CSMD1: variants seen among roughly 807,000 people sequenced by gnomAD.
CSMD1 encodes the protein CUB and sushi domain-containing protein 1.
A neutral mutation model predicts 417.5 loss-of-function variants in CSMD1; 213 were observed. The observed-to-expected ratio is 0.51, with a 90% CI of 0.46 to 0.57. The LOEUF is 0.57. CSMD1 is among the 20% of genes least tolerant of loss of function. CSMD1 has a pLI of 0.00. For missense variants in CSMD1, 6,923 were observed against 4,529.7 expected (o/e 1.53, Z -15.17); for synonymous variants, 2,862 against 1,736.8 (o/e 1.65, Z -16.11).
chr8:4,580,901 G>C (rs948808575), intron 2 of CSMD1, among the ~76,000 whole-genome samples: 16 of 152,222 alleles, frequency 1.1e-4, no homozygotes, highest in African/African-American at 3.9e-4. Context: ...CTGCTATTGT[G>C]TTTGACATCA....
intron 3 of CSMD1, among the ~76,000 whole-genome samples, chr8:4,306,680 C>G (rs946541006): frequency 1.3e-5 from 2 of 152,104 alleles, no homozygotes; most frequent in Non-Finnish European, 2.9e-5. Flanking sequence ...GTACAATTCA[C>G]ATGCTCTCCT....
chr8:3,053,980 C>T (rs1585236816), intron 49 of CSMD1, among the ~76,000 whole-genome samples: 1 of 152,242 alleles, frequency 6.6e-6, no homozygotes, highest in African/African-American at 2.4e-5. Context: ...GCGGGAAGGG[C>T]TGGATGAAGA....
chr8:4,191,458 G>A (rs1257945870), intron 3 of CSMD1, among the ~76,000 whole-genome samples: 1 of 152,072 alleles, frequency 6.6e-6, no homozygotes, highest in South Asian at 2.1e-4. Context: ...AAAAAAAATT[G>A]AACAAGATAG....
intron 10 of CSMD1, among the ~76,000 whole-genome samples, chr8:3,560,300 T>C (rs13261110): frequency 0.34 from 51,667 of 152,056 alleles, 9,467 homozygotes; most frequent in Middle Eastern, 0.43. Context: ...ATCATTTCTC[T>C]GAGAAACACA....
intron 2 of CSMD1, among the ~76,000 whole-genome samples, chr8:4,567,692 T>C (rs970044962): frequency 2.0e-5 from 3 of 152,190 alleles, no homozygotes; most frequent in African/African-American, 7.2e-5. Flanking sequence ...ATTTTCACAA[T>C]ACATTATAGC....
intron 5 of CSMD1, among the ~76,000 whole-genome samples, chr8:3,770,403 C>G (rs753895211): frequency 8.5e-5 from 13 of 152,050 alleles, no homozygotes; most frequent in Non-Finnish European, 1.8e-4. Context: ...GTGGTGCGTG[C>G]CTGTAATTCC....
At chr8:4,042,243 G>A (rs1473409594) in intron 3 of CSMD1, among the ~76,000 whole-genome samples, 12 of 152,164 alleles carry the variant, frequency 7.9e-5, no homozygotes, top group African/African-American at 1.2e-4. Context: ...AAATCAAGGT[G>A]CCTAAATACA....
intron 3 of CSMD1, among the ~76,000 whole-genome samples, chr8:4,083,119 A>C (rs1049996343): frequency 1.3e-5 from 2 of 152,092 alleles, no homozygotes; most frequent in African/African-American, 2.4e-5. Flanking sequence ...TAGTCCTTTT[A>C]GTATATACCC....
chr8:4,199,856 A>G (rs1352160150), intron 3 of CSMD1, among the ~76,000 whole-genome samples: 4 of 152,200 alleles, frequency 2.6e-5, no homozygotes, highest in African/African-American at 7.2e-5. Context: ...CTTCCTTTAC[A>G]AGGGCTTACC....
intron 3 of CSMD1, among the ~76,000 whole-genome samples, chr8:4,193,093 G>A (rs1190034627): frequency 6.6e-6 from 1 of 152,150 alleles, no homozygotes; most frequent in African/African-American, 2.4e-5. Context: ...GCAGTGACAT[G>A]TGCCTTAAAT....
intron 3 of CSMD1, among the ~76,000 whole-genome samples, chr8:4,250,178 A>G (rs944938121): frequency 1.3e-5 from 2 of 152,168 alleles, no homozygotes; most frequent in African/African-American, 2.4e-5. Context: ...GAACCAATAC[A>G]TTTCTTTTCT....
At chr8:4,038,147 C>A (rs1482230779) in intron 3 of CSMD1, among the ~76,000 whole-genome samples, 1 of 151,914 alleles carries the variant, frequency 6.6e-6, no homozygotes, top group African/African-American at 2.4e-5. Context: ...ATTGGTGACA[C>A]AAAGTTATAA....
chr8:4,491,166 T>A (rs76818812), intron 2 of CSMD1, among the ~76,000 whole-genome samples: 16,157 of 152,136 alleles, frequency 0.11, 1,069 homozygotes, highest in South Asian at 0.2. Flanking sequence ...TTTACCTATG[T>A]AACAATCTGT....
chr8:4,780,857 A>C (rs1797119241), intron 1 of CSMD1, among the ~76,000 whole-genome samples: 2 of 152,218 alleles, frequency 1.3e-5, no homozygotes, highest in South Asian at 4.1e-4. Flanking sequence ...ACTTAAAACA[A>C]TAATCTCCAA....
chr8:4,758,286 C>T (rs568622427), intron 1 of CSMD1, among the ~76,000 whole-genome samples: 5 of 152,162 alleles, frequency 3.3e-5, no homozygotes, highest in Admixed American at 1.3e-4. Flanking sequence ...TGTTTCCCAA[C>T]GTTGCCTTTT....
intron 3 of CSMD1, among the ~76,000 whole-genome samples, chr8:4,078,298 G>A (rs1799938876): frequency 6.7e-6 from 1 of 150,142 alleles, no homozygotes. Context: ...CCATAATGAT[G>A]AGTTTGATAT....
chr8:4,452,533 A>T (rs1158445204), intron 2 of CSMD1, among the ~76,000 whole-genome samples: 1 of 152,242 alleles, frequency 6.6e-6, no homozygotes, highest in African/African-American at 2.4e-5. Context: ...CTCAACAATT[A>T]TAAAAATAAT....
At chr8:3,381,300 C>G (rs1418857083) in intron 18 of CSMD1, among the ~76,000 whole-genome samples, 1 of 151,836 alleles carries the variant, frequency 6.6e-6, no homozygotes, top group African/African-American at 2.4e-5. Flanking sequence ...TTACACACAC[C>G]CTATGTTAAA....
chr8:3,287,643 C>T (rs1380964398), intron 25 of CSMD1, among the ~76,000 whole-genome samples: 1 of 152,158 alleles, frequency 6.6e-6, no homozygotes, highest in Non-Finnish European at 1.5e-5. Flanking sequence ...GATTTTTGCA[C>T]ATTGATTTTG....
Sources: allele counts gnomAD v4.1 joint callset (sites outside exome capture counted in the v4.1 genomes callset), GRCh38; gene constraint gnomAD v4.1.1; transcripts MANE v1.5; gene names NCBI Gene and HGNC (gene_info 2026-07-23, HGNC 2026-07-21).